GLI2: variants seen among roughly 807,000 people sequenced by gnomAD.
GLI2 encodes transcription activator GLI2.
A neutral mutation model predicts 78.9 loss-of-function variants in GLI2; 22 were observed. The ratio of observed to expected loss-of-function variants is 0.28; its 90% confidence interval spans 0.20 to 0.40. GLI2 has a LOEUF of 0.40. GLI2 is among the 10% of genes least tolerant of loss of function. The pLI is 1.00. For synonymous variants in GLI2, 974 were observed against 963.7 expected (o/e 1.01, Z -0.20); for missense variants, 2,097 against 2,213.2 (o/e 0.95, Z 1.05).
chr2:120,958,041 G>C (rs751049987), intron 5 of GLI2, among the ~76,000 whole-genome samples: 3 of 152,192 alleles, frequency 2.0e-5, no homozygotes, highest in Non-Finnish European at 4.4e-5. Context: ...GCCCAGAGCA[G>C]CTGGGCCGGA....
At chr2:120,913,809 C>G (rs1192955699) in intron 2 of GLI2, among the ~76,000 whole-genome samples, 1 of 152,224 alleles carries the variant, frequency 6.6e-6, no homozygotes, top group Admixed American at 6.5e-5. Context: ...GTGGCAGGCC[C>G]TGCCTCAGAA....
Position 120,789,543 on chromosome 2 carries a change from C to T in GLI2, c.-30-7748C>T, listed in dbSNP as rs774762256. 6.6e-5 allele frequency among the ~76,000 whole-genome samples: 10 copies of T among 152,268 alleles called. 1 individual carries two copies. Among genetic ancestry groups the T allele is most frequent in the South Asian group, 4.1e-4 (2 of 4,822 alleles). On this transcript the variant is annotated intron_variant, in intron 1 of 13. Coordinates refer to ENST00000361492, the MANE Select transcript of GLI2 (RefSeq NM_001374353.1). ...CCTCCTCTGACCTCCTCAGGTAGCC[C>T]GCCCTTGTGGAGCTCCCACAAGTAG...
At chr2:120,749,683 G>A (rs1682806764) in intron 1 of GLI2, among the ~76,000 whole-genome samples, 2 of 152,190 alleles carry the variant, frequency 1.3e-5, no homozygotes, top group African/African-American at 4.8e-5. Context: ...TGTTCTGTTC[G>A]TGATTACAGA....
At chr2:120,799,526 G>A (rs1234790556) in intron 2 of GLI2, among the ~76,000 whole-genome samples, 2 of 152,210 alleles carry the variant, frequency 1.3e-5, no homozygotes, top group Non-Finnish European at 2.9e-5. Flanking sequence ...GGAGTCAGGG[G>A]AGAGCAGCTG....
intron 2 of GLI2, among the ~76,000 whole-genome samples, chr2:120,807,953 G>A (rs992311657): frequency 6.6e-6 from 1 of 152,042 alleles, no homozygotes; most frequent in Non-Finnish European, 1.5e-5. Context: ...TTGAGAAGCC[G>A]CCCTTGGCTC....
In GLI2 at chr2:120,984,728, G is replaced by A. The variant is rs565184396; in HGVS notation, c.1890G>A (p.Lys630=). 6.2e-6 allele frequency: 10 copies of A among 1,612,896 alleles called. No individual in the cohort carries two copies. The East Asian group carries it at 2.0e-4, about 32-fold the overall frequency. ...ACTGCCTGCACGTCAGAGCCATCAA[G>A]ACCGAGAGCTCCGGGGTAAGCGGAG... The part of the protein sequence containing the change: ...VEDCLHVRAI[K]TESSGLCQSS... The change falls in exon 12 of 14, where the codon AAG becomes AAA. Residue 630 remains lysine (K), a synonymous_variant. Coordinates refer to ENST00000361492, the MANE Select transcript of GLI2 (RefSeq NM_001374353.1).
At chr2:120,792,052 G>A (rs1013773578) in intron 1 of GLI2, among the ~76,000 whole-genome samples, 8 of 152,310 alleles carry the variant, frequency 5.3e-5, no homozygotes, top group East Asian at 3.9e-4. Context: ...GCTGAGAGGC[G>A]AGGCTTCATC....
intron 2 of GLI2, among the ~76,000 whole-genome samples, chr2:120,919,883 G>C (rs966863232): frequency 1.3e-5 from 2 of 152,210 alleles, no homozygotes; most frequent in Admixed American, 6.5e-5. Flanking sequence ...CCAGGCCCCA[G>C]CCATGCCACT....
intron 2 of GLI2, among the ~76,000 whole-genome samples, chr2:120,879,608 G>A (rs1677009747): frequency 6.6e-6 from 1 of 152,210 alleles, no homozygotes; most frequent in Non-Finnish European, 1.5e-5. Context: ...GCACTCTCAG[G>A]TGACACGTGG....
Position 120,910,590 on chromosome 2 carries a change from C to T in GLI2, c.149-16771C>T, listed in dbSNP as rs541309615. 1.4e-4 allele frequency among the ~76,000 whole-genome samples: 22 copies of T among 152,326 alleles called. No homozygotes were observed. The South Asian group carries it at 2.7e-3, about 19-fold the overall frequency. On this transcript the variant is annotated intron_variant, in intron 2 of 13. Transcript: ENST00000361492. ...GGGGTGGGCCCTTTGCCATCCTCGC[C>T]GCCCTAATTACACAAGCAGCATGCT...
intron 2 of GLI2, among the ~76,000 whole-genome samples, chr2:120,843,548 A>G (rs778640688): frequency 3.9e-5 from 6 of 152,246 alleles, no homozygotes; most frequent in Non-Finnish European, 8.8e-5. Context: ...AATATTTTGA[A>G]AAGGAAAGCA....
rs77489497 is a variant in GLI2, at chr2:120,758,373, G to A, written c.-31+22088G>A. ...AGGCACTCTTCCATGATGCTGTCAT[G>A]GGGAGAGGGGAAAGCGGAAGTGGGA... On this transcript the variant is annotated intron_variant, in intron 1 of 13. Transcript: ENST00000361492. Among the ~76,000 whole-genome samples the A allele has an allele frequency of 8.4e-3, 1,281 of 152,352 alleles. 12 individuals carry two copies. Among genetic ancestry groups the A allele is most frequent in the African/African-American group, 0.029 (1,196 of 41,580 alleles).
intron 5 of GLI2, among the ~76,000 whole-genome samples, chr2:120,963,754 G>A (rs1681704788): frequency 6.6e-6 from 1 of 152,254 alleles, no homozygotes; most frequent in Non-Finnish European, 1.5e-5. Flanking sequence ...TGGTTTTGGT[G>A]TCCCTGTACC....
intron 3 of GLI2, among the ~76,000 whole-genome samples, chr2:120,939,646 T>C (rs545172917): frequency 6.6e-6 from 1 of 152,326 alleles, no homozygotes; most frequent in Non-Finnish European, 1.5e-5. Context: ...CTTCATTCAT[T>C]TGGGCTGCTC....
chr2:120,892,943 T>A (rs982665978), intron 2 of GLI2, among the ~76,000 whole-genome samples: 4 of 152,240 alleles, frequency 2.6e-5, no homozygotes, highest in African/African-American at 7.2e-5. Flanking sequence ...AATGGGGTTG[T>A]TGCCACTTTT....
At chr2:120,786,782 A>G (rs1684010009) in intron 1 of GLI2, among the ~76,000 whole-genome samples, 1 of 152,168 alleles carries the variant, frequency 6.6e-6, no homozygotes, top group Non-Finnish European at 1.5e-5. Flanking sequence ...CGATTACTGC[A>G]CTTTTCCTGA....
At chr2:120,983,184 C>A (rs1027052271) in intron 11 of GLI2, among the ~76,000 whole-genome samples, 1 of 152,170 alleles carries the variant, frequency 6.6e-6, no homozygotes, top group Non-Finnish European at 1.5e-5. Context: ...CAAAGGCCAT[C>A]ATGAGGTCCT....
At chr2:120,941,385 C>T (rs1006705430) in intron 3 of GLI2, among the ~76,000 whole-genome samples, 1 of 152,186 alleles carries the variant, frequency 6.6e-6, no homozygotes, top group Admixed American at 6.5e-5. Flanking sequence ...AACCAAACAA[C>T]AAAACTCAAA....
At chr2:120,883,442 G>T (rs542034786) in intron 2 of GLI2, among the ~76,000 whole-genome samples, 2 of 152,116 alleles carry the variant, frequency 1.3e-5, no homozygotes, top group African/African-American at 4.8e-5. Flanking sequence ...AACTAAGGTC[G>T]CACCACTGCA....
Sources: gnomAD v4.1 joint callset for allele counts (sites outside exome capture counted in the v4.1 genomes callset) on GRCh38, gnomAD v4.1.1 for gene constraint, MANE v1.5 for transcripts, NCBI Gene and HGNC (gene_info 2026-07-23, HGNC 2026-07-21) for gene names.